The following CNTN1 variants were observed in gnomAD, a reference collection of about 807,000 sequenced individuals.
The protein encoded by CNTN1 is contactin 1.
CNTN1 carries 38 observed loss-of-function variants against 126.4 expected under a neutral mutation model. That is an observed-to-expected ratio of 0.30 (90% CI 0.23 to 0.39). CNTN1 has a LOEUF of 0.39. Ranked by LOEUF, CNTN1 falls within the 10% of genes least tolerant of loss-of-function variation. The pLI is 1.00. For synonymous variants in CNTN1, 413 were observed against 422.6 expected (o/e 0.98, Z 0.28); for missense variants, 1,009 against 1,248.4 (o/e 0.81, Z 2.89).
At position 40,993,558 on chromosome 12, in the gene CNTN1, G is replaced by C. The variant is rs907019538; in HGVS notation, c.2113+289G>C. 1.3e-5 allele frequency among the ~76,000 whole-genome samples: 2 copies of C among 151,984 alleles called. 1 individual carries two copies. Among genetic ancestry groups the C allele is most frequent in the Admixed American group, 1.3e-4 (2 of 15,244 alleles). On this transcript the variant is annotated intron_variant, in intron 17 of 23. Transcript: ENST00000551295. ...AATAGGAACTACTGAAATGCCACTG[G>C]AGACCATTGGAATGACGTAAGTATT...
chr12:41,069,256 T>G lies in CNTN1; in HGVS notation c.2981-703T>G, dbSNP rs1950112840. On this transcript the variant is annotated intron_variant, in intron 23 of 23. Transcript: ENST00000551295. ...TGTAATATCTCAGGGCAATTGTTCT[T>G]TAGATAAAAATTGAATGAGATTATT... Among the ~76,000 whole-genome samples the G allele has an allele frequency of 3.3e-5, 5 of 152,180 alleles. 1 individual carries two copies. In the South Asian group the frequency reaches 1.0e-3, roughly 31 times the overall value.
chr12:40,965,586 C>T (rs1947276845), intron 15 of CNTN1, among the ~76,000 whole-genome samples: 1 of 152,022 alleles, frequency 6.6e-6, no homozygotes, highest in Non-Finnish European at 1.5e-5. Flanking sequence ...AAAAATAAAG[C>T]CAAAGACATG....
At chr12:40,710,309 A>T (rs865801143) in intron 1 of CNTN1, among the ~76,000 whole-genome samples, 10 of 152,322 alleles carry the variant, frequency 6.6e-5, no homozygotes, top group African/African-American at 2.2e-4. Context: ...AGCAGTCAGA[A>T]CACCTATTGA....
intron 17 of CNTN1, among the ~76,000 whole-genome samples, chr12:40,995,710 T>G (rs1415108933): frequency 6.6e-6 from 1 of 152,156 alleles, no homozygotes; most frequent in Non-Finnish European, 1.5e-5. Context: ...AGATACAACC[T>G]TGTAGTGATA....
chr12:41,066,262 A>G (rs1783770295), intron 23 of CNTN1, among the ~76,000 whole-genome samples: 2 of 152,232 alleles, frequency 1.3e-5, no homozygotes, highest in Admixed American at 6.5e-5. Context: ...ATAGGAAGGT[A>G]TAACCCCTTT....
At chr12:40,956,472 T>A (rs1402226658) in intron 14 of CNTN1, among the ~76,000 whole-genome samples, 1 of 152,052 alleles carries the variant, frequency 6.6e-6, no homozygotes, top group Non-Finnish European at 1.5e-5. Flanking sequence ...AAAGACTTGC[T>A]GGAGAAAATG....
At chr12:40,756,352 G>T (rs956811338) in intron 1 of CNTN1, among the ~76,000 whole-genome samples, 1 of 152,042 alleles carries the variant, frequency 6.6e-6, no homozygotes, top group African/African-American at 2.4e-5. Context: ...ATTATAAGGG[G>T]AGTGTCCTCA....
intron 6 of CNTN1, among the ~76,000 whole-genome samples, chr12:40,925,547 GTA>G (rs200031688): frequency 3.1e-3 from 318 of 102,454 alleles, no homozygotes; most frequent in African/African-American, 0.013. Context: ...GTGTGTGTGT[GTA>G]TATATATACA....
chr12:40,731,760 A>G (rs989328872), intron 1 of CNTN1, among the ~76,000 whole-genome samples: 5 of 151,932 alleles, frequency 3.3e-5, no homozygotes, highest in Admixed American at 2.6e-4. Context: ...GCCACTATTG[A>G]CCATTTCTAA....
rs984169238 is a variant in CNTN1, at chr12:40,873,247, C to T, written c.-76-35110C>T. Among the ~76,000 whole-genome samples, 10 of 152,128 alleles carry T rather than the reference C, an allele frequency of 6.6e-5. No individual in the cohort carries two copies. In the East Asian group the frequency reaches 1.7e-3, roughly 26 times the overall value. The stretch of plus-strand genomic sequence containing the variant: ...CAAATTATTTTAACCTTTTTACACA[C>T]AAATTGCAAGAATTATCATTAGTAT... On this transcript the variant is annotated intron_variant, in intron 1 of 23. Coordinates refer to ENST00000551295, the MANE Select transcript of CNTN1 (RefSeq NM_001843.4).
chr12:41,043,599 C>A (rs1281886209), intron 23 of CNTN1, among the ~76,000 whole-genome samples: 1 of 152,090 alleles, frequency 6.6e-6, no homozygotes, highest in Non-Finnish European at 1.5e-5. Flanking sequence ...GGCAATTCCT[C>A]AGGGGTCTAG....
intron 23 of CNTN1, among the ~76,000 whole-genome samples, chr12:41,055,948 G>T (rs898521476): frequency 2.6e-5 from 4 of 152,066 alleles, no homozygotes; most frequent in Non-Finnish European, 5.9e-5. Flanking sequence ...CACAACCTTG[G>T]AGATGCAGAG....
intron 23 of CNTN1, among the ~76,000 whole-genome samples, chr12:41,061,052 CAAGT>C (rs1949928215): frequency 6.6e-6 from 1 of 152,150 alleles, no homozygotes; most frequent in Non-Finnish European, 1.5e-5. Context: ...GCCACACACT[CAAGT>C]GAGTGGTAAC....
intron 23 of CNTN1, among the ~76,000 whole-genome samples, chr12:41,069,021 G>C (rs1051963357): frequency 6.6e-6 from 1 of 152,062 alleles, no homozygotes; most frequent in African/African-American, 2.4e-5. Flanking sequence ...TATTTAAAAA[G>C]AAGATAGTGC....
intron 1 of CNTN1, among the ~76,000 whole-genome samples, chr12:40,842,618 G>A (rs1056830734): frequency 1.3e-5 from 2 of 152,002 alleles, no homozygotes; most frequent in Admixed American, 1.3e-4. Flanking sequence ...TCCTATCTCT[G>A]TCAAGCAAAA....
chr12:40,860,402 C>T (rs1244621017), intron 1 of CNTN1, among the ~76,000 whole-genome samples: 1 of 152,042 alleles, frequency 6.6e-6, no homozygotes, highest in Non-Finnish European at 1.5e-5. Flanking sequence ...TCAATTGTGC[C>T]TTTAATTTAT....
In CNTN1 at chr12:40,981,054, A is replaced by G; in HGVS notation, c.1950A>G (p.Lys650=). 2 of 1,612,936 alleles carry G rather than the reference A, an allele frequency of 1.2e-6. No individual in the cohort carries two copies. Among genetic ancestry groups the G allele is most frequent in the Non-Finnish European group, 1.7e-6 (2 of 1,179,812 alleles). The change falls in exon 16 of 24, where the codon AAA becomes AAG. Residue 650 remains lysine, a synonymous_variant. Coordinates refer to ENST00000551295, the MANE Select transcript of CNTN1 (RefSeq NM_001843.4). ...QTKTILSDDW[K]DAKTDPPIIE... ...AGACTATTCTTTCAGATGACTGGAA[A>G]GATGCAAAGACAGGTGAGTTTTATT...
chr12:40,872,208 TTGTTTGTGTGTGTG>T lies in CNTN1; in HGVS notation c.-76-36145_-76-36132del, dbSNP rs55823041. On this transcript the variant is annotated intron_variant, in intron 1 of 23. Transcript: ENST00000551295. ...ATTTCGGTAGGGTTTTTCCGTTGCT[TTGTTTGTGTGTGTG>T]TGTGTGTGTGTGTGTGTGTGTGTGT... Among the ~76,000 whole-genome samples the T allele has an allele frequency of 7.7e-3, 959 of 124,136 alleles. 14 individuals are homozygous for T. Among genetic ancestry groups the T allele is most frequent in the African/African-American group, 0.024 (821 of 33,878 alleles). 81.4% of individuals were successfully genotyped at this position (124,136 alleles called of 152,430 possible). A position where few individuals can be genotyped will look rare whatever the true frequency, so the allele number is the denominator to read the frequency against.
chr12:40,939,205 A>G (rs551069990), intron 11 of CNTN1, 130 bp from the exon 12 acceptor site: 109 of 967,226 alleles, frequency 1.1e-4, no homozygotes, highest in Admixed American at 6.2e-4. Context: ...TATTGGTGAC[A>G]GCTGATCATA....
Sources: allele counts gnomAD v4.1 joint callset (sites outside exome capture counted in the v4.1 genomes callset), GRCh38; gene constraint gnomAD v4.1.1; transcripts MANE v1.5; gene names NCBI Gene and HGNC (gene_info 2026-07-23, HGNC 2026-07-21).